Variants in PDE10A observed in about 807,000 individuals in gnomAD.
PDE10A encodes phosphodiesterase 10A.
A neutral mutation model predicts 97.7 loss-of-function variants in PDE10A; 39 were observed. That is an observed-to-expected ratio of 0.40 (90% CI 0.31 to 0.52). The LOEUF is 0.52. Ranked by LOEUF, PDE10A falls within the 20% of genes least tolerant of loss-of-function variation. The pLI is 0.56. For synonymous variants in PDE10A, 371 were observed against 376.8 expected, an observed-to-expected ratio of 0.98 and a Z score of 0.18; for missense variants, 731 against 1,047.8, an observed-to-expected ratio of 0.70 and a Z score of 4.17.
chr6:165,937,572 A>G (rs1488078769), intron 1 of PDE10A, among the ~76,000 whole-genome samples: 1 of 152,250 alleles, frequency 6.6e-6, no homozygotes, highest in Non-Finnish European at 1.5e-5. Context: ...AAGAGTTGGT[A>G]CATGTCTTGA....
chr6:165,945,523 G>A (rs565504541), intron 1 of PDE10A, among the ~76,000 whole-genome samples: 100 of 152,294 alleles, frequency 6.6e-4, no homozygotes, highest in African/African-American at 2.2e-3. Flanking sequence ...CCTTTTGGGG[G>A]GTGATTAGGT....
At chr6:165,653,365 C>CG (rs1418563460) in intron 1 of PDE10A, among the ~76,000 whole-genome samples, 1 of 152,152 alleles carries the variant, frequency 6.6e-6, no homozygotes, top group East Asian at 1.9e-4. Flanking sequence ...GATGGAAGCA[C>CG]GGATGAGCGG....
chr6:165,509,381 C>A (rs1656701519), intron 2 of PDE10A, among the ~76,000 whole-genome samples: 1 of 152,014 alleles, frequency 6.6e-6, no homozygotes, highest in African/African-American at 2.4e-5. Context: ...TGTCGAAAAT[C>A]AGTTGGCTAT....
chr6:165,619,008 TCTAGTGTAGTCTAGC>T (rs1562633501), intron 1 of PDE10A, among the ~76,000 whole-genome samples: 8 of 150,912 alleles, frequency 5.3e-5, no homozygotes, highest in Admixed American at 6.6e-5. Context: ...TGTAGTGTAG[TCTAGTGTAGTCTAGC>T]ATAGTCTAGT....
At chr6:165,481,023 A>G (rs1437532076) in intron 3 of PDE10A, among the ~76,000 whole-genome samples, 1 of 152,128 alleles carries the variant, frequency 6.6e-6, no homozygotes, top group Admixed American at 6.5e-5. Context: ...TCACTACATA[A>G]AGTTTCATCA....
intron 1 of PDE10A, among the ~76,000 whole-genome samples, chr6:165,546,081 A>G (rs1783722006): frequency 6.6e-6 from 1 of 152,078 alleles, no homozygotes; most frequent in Non-Finnish European, 1.5e-5. Context: ...ATTTCACACT[A>G]AAAAGAAACG....
intron 13 of PDE10A, among the ~76,000 whole-genome samples, chr6:165,406,254 G>GTA (rs955458203): frequency 4.0e-5 from 6 of 151,870 alleles, no homozygotes; most frequent in African/African-American, 1.4e-4. Context: ...GTGTGTGTGT[G>GTA]TGTGTGTTTC....
intron 18 of PDE10A, among the ~76,000 whole-genome samples, chr6:165,349,954 C>T (rs775041783): frequency 3.3e-5 from 5 of 152,178 alleles, no homozygotes; most frequent in Non-Finnish European, 5.9e-5. Flanking sequence ...CCTGGATGTC[C>T]AGGCAGAAGT....
At chr6:165,455,670 G>T (rs1385893480) in intron 3 of PDE10A, among the ~76,000 whole-genome samples, 1 of 152,182 alleles carries the variant, frequency 6.6e-6, no homozygotes, top group Admixed American at 6.5e-5. Flanking sequence ...CTCTTAGGTT[G>T]TGTGTATTCC....
At position 165,484,358 on chromosome 6, in the gene PDE10A, C is replaced by CGAAGCTTCATCCGTGT. The variant is rs1562510010; in HGVS notation, c.995-2016_995-2015insACACGGATGAAGCTTC. ...ACAGCAGGAGGTGAGCGGCGGCAAG[C>CGAAGCTTCATCCGTGT]GGGCGAAGCTTCATCCGTATTCACA... On this transcript the variant is annotated intron_variant, in intron 2 of 21. Coordinates refer to ENST00000539869, the MANE Select transcript of PDE10A (RefSeq NM_001385079.1). Among the ~76,000 whole-genome samples, 4 of 152,158 alleles carry CGAAGCTTCATCCGTGT rather than the reference C, an allele frequency of 2.6e-5. No homozygotes were observed. In the East Asian group the frequency reaches 7.8e-4, roughly 29 times the overall value.
intron 1 of PDE10A, among the ~76,000 whole-genome samples, chr6:165,651,290 C>T (rs908579175): frequency 2.6e-5 from 4 of 152,176 alleles, no homozygotes; most frequent in Admixed American, 6.5e-5. Context: ...ACTTCCCTTC[C>T]GTTGTGATTT....
intron 3 of PDE10A, among the ~76,000 whole-genome samples, chr6:165,455,676 A>G (rs1166616213): frequency 2.0e-5 from 3 of 152,128 alleles, no homozygotes; most frequent in Admixed American, 1.3e-4. Flanking sequence ...GGTTGTGTGT[A>G]TTCCCTTCTC....
At chr6:165,450,534 T>A (rs146959214) in intron 3 of PDE10A, among the ~76,000 whole-genome samples, 172 bp from the exon 4 acceptor site, 1 of 152,118 alleles carries the variant, frequency 6.6e-6, no homozygotes, top group Admixed American at 6.5e-5. Context: ...AACAAGTAGA[T>A]TGAAAATTAA....
intron 1 of PDE10A, among the ~76,000 whole-genome samples, chr6:165,682,507 G>T (rs934984260): frequency 5.3e-5 from 8 of 152,094 alleles, no homozygotes; most frequent in African/African-American, 1.9e-4. Context: ...AGGTGATAAG[G>T]TCGTGAAGGT....
chr6:165,975,558 G>A (rs1784823128), intron 1 of PDE10A, among the ~76,000 whole-genome samples: 1 of 152,216 alleles, frequency 6.6e-6, no homozygotes. Flanking sequence ...TACACAGGAA[G>A]AAAGCACAAA....
At chr6:165,383,939 A>G (rs537589821) in intron 17 of PDE10A, among the ~76,000 whole-genome samples, 1 of 152,048 alleles carries the variant, frequency 6.6e-6, no homozygotes, top group African/African-American at 2.4e-5. Flanking sequence ...TTACATGTAG[A>G]GAGAACCCGG....
chr6:165,732,386 C>T (rs1158743529), intron 1 of PDE10A, among the ~76,000 whole-genome samples: 1 of 152,218 alleles, frequency 6.6e-6, no homozygotes. Context: ...GTGGCCGAGC[C>T]ACACAGATGT....
At chr6:165,410,670 A>C (rs1052933368) in intron 13 of PDE10A, among the ~76,000 whole-genome samples, 5 of 152,124 alleles carry the variant, frequency 3.3e-5, no homozygotes, top group Non-Finnish European at 7.4e-5. Context: ...CAGACGGTTA[A>C]TAGGCTCAGT....
At chr6:165,966,220 G>C (rs997048315) in intron 1 of PDE10A, among the ~76,000 whole-genome samples, 1 of 152,204 alleles carries the variant, frequency 6.6e-6, no homozygotes, top group African/African-American at 2.4e-5. Flanking sequence ...CTCCCCACAG[G>C]GCTCATAATG....
Sources: allele counts gnomAD v4.1 joint callset (sites outside exome capture counted in the v4.1 genomes callset), GRCh38; gene constraint gnomAD v4.1.1; transcripts MANE v1.5; gene names NCBI Gene and HGNC (gene_info 2026-07-23, HGNC 2026-07-21).